PER2: variants seen among roughly 807,000 people sequenced by gnomAD.
PER2 encodes the protein period circadian protein homolog 2.
A neutral mutation model predicts 121.0 loss-of-function variants in PER2; 66 were observed. The ratio of observed to expected loss-of-function variants is 0.55; its 90% CI spans 0.45 to 0.67. The LOEUF is 0.67. Ranked by LOEUF, PER2 falls within the 30% of genes least tolerant of loss-of-function variation. The pLI, the probability that PER2 is intolerant of heterozygous loss-of-function variation, is 0.00. For synonymous variants in PER2, 684 were observed against 659.9 expected, an observed-to-expected ratio of 1.04 and a Z score of -0.56; for missense variants, 1,521 against 1,635.0, an observed-to-expected ratio of 0.93 and a Z score of 1.20.
intron 8 of PER2, among the ~76,000 whole-genome samples, chr2:238,266,113 C>T (rs1337884502): frequency 1.3e-5 from 2 of 151,860 alleles, no homozygotes; most frequent in Non-Finnish European, 2.9e-5. Context: ...CCGTGTTGGC[C>T]AGGATGGTCT....
rs1318151429 is a variant in PER2 at position 238,244,511 on chromosome 2, G to A, written c.*1864C>T. On this transcript the variant is annotated 3_prime_UTR_variant, in exon 23 of 23. Transcript: ENST00000254657. ...CGGTAACATAACTGTAACCTTAGAT[G>A]AACACCTATCCCTTCATGATCTGAC... The A allele has an allele frequency of 6.6e-6, 1 of 152,244 alleles. No individual in the cohort carries two copies. The highest frequency in any genetic ancestry group is 1.5e-5 in the Non-Finnish European group (1 of 68,050). 9.4% of individuals were successfully genotyped at this position (152,244 alleles called of 1,614,324 possible).
chr2:238,284,177 C>T (rs191124996), intron 1 of PER2, among the ~76,000 whole-genome samples: 39 of 152,272 alleles, frequency 2.6e-4, no homozygotes, highest in African/African-American at 9.4e-4. Flanking sequence ...GGCGCGGTGG[C>T]TCACACCTGT....
chr2:238,251,632 A>T lies in PER2; in HGVS notation c.3241T>A (p.Ser1081Thr). The change falls in exon 20 of 23, where the codon TCA (serine) becomes ACA (threonine). Residue 1081 changes from serine (S) to threonine (T), a missense_variant. Ser to Thr is a moderately conservative substitution (Grantham distance 58, BLOSUM62 1). Coordinates refer to ENST00000254657, the MANE Select transcript of PER2 (RefSeq NM_022817.3). ...SAASESLGSG[S>T]LGCDASPSGA... Reference sequence around the variant, plus strand: ...CTCGGGGAGGCGTCGCAGCCCAGTGAGCCGGAGCCCAGAGACTCCGAAGCA... The same window carrying T: ...CTCGGGGAGGCGTCGCAGCCCAGTGTGCCGGAGCCCAGAGACTCCGAAGCA... 2 of 1,614,180 alleles carry T rather than the reference A, an allele frequency of 1.2e-6. No homozygotes were observed. Among genetic ancestry groups the T allele is most frequent in the Non-Finnish European group, 8.5e-7 (1 of 1,180,016 alleles).
intron 3 of PER2, among the ~76,000 whole-genome samples, 197 bp downstream of exon 3, chr2:238,276,934 C>T (rs375355441): frequency 2.3e-4 from 35 of 152,198 alleles, no homozygotes; most frequent in Admixed American, 5.9e-4. Context: ...AGCGACATCC[C>T]GGGGGCTCTG....
chr2:238,261,756 T>A lies in PER2; in HGVS notation c.1389A>T (p.Thr463=). 1 of 1,568,424 alleles carries A rather than the reference T, an allele frequency of 6.4e-7. No homozygotes were observed. The highest frequency in any genetic ancestry group is 1.2e-5 in the South Asian group (1 of 85,370). ...GCAGCAGGAGCCGGTGGATCTGCTC[T>A]GTGAGCTCCTGAATGCTGGGGTGCA... is the stretch of plus-strand genomic sequence containing the variant. ...KALHPSIQEL[T]EQIHRLLLQP... Residue 463 remains threonine, a synonymous_variant, in exon 12 of 23, where the codon ACA becomes ACT. Transcript: ENST00000254657.
At chr2:238,265,799 T>C (rs76067450) in intron 8 of PER2, among the ~76,000 whole-genome samples, 7,124 of 152,228 alleles carry the variant, frequency 0.047, 348 homozygotes, top group African/African-American at 0.12. Flanking sequence ...AGCTTCTTTA[T>C]ATGCTAGTTT....
Position 238,246,395 on chromosome 2 carries a change from T to C in PER2, c.3748A>G (p.Arg1250Gly), listed in dbSNP as rs767546552. The C allele has an allele frequency of 3.7e-6, 6 of 1,610,916 alleles. No homozygotes were observed. The highest frequency in any genetic ancestry group is 4.2e-6 in the Non-Finnish European group (5 of 1,178,248). Residue 1250 changes from arginine (R) to glycine (G), a missense_variant, in exon 23 of 23, where the codon AGG (arginine) becomes GGG (glycine). Arg to Gly is a moderately radical substitution (Grantham distance 125). Transcript: ENST00000254657. ...AGGGGTTACGTCTGCTCTTCGATCC[T>C]GTGATTCAAGGGGGATCCATTTTCG... ...EDENGSPLNH[R>G]IEEQT
chr2:238,265,548 T>C lies in PER2; in HGVS notation c.1010A>G (p.His337Arg), dbSNP rs1396679276. 1.2e-6 allele frequency: 2 copies of C among 1,611,814 alleles called. No individual in the cohort carries two copies. The highest frequency in any genetic ancestry group is 4.5e-5 in the East Asian group (2 of 44,864). The stretch of plus-strand genomic sequence containing the variant: ...ATCCTGGAACAAACAATTTGGTGTA[T>C]GGGTGGTTGTAAAAATTCTCTTTTC... The part of the protein sequence containing the change: ...PPEKRIFTTT[H>R]TPNCLFQDVD... Residue 337 changes from histidine (H) to arginine (R), a missense_variant, in exon 9 of 23, where the codon CAT (histidine) becomes CGT (arginine). Transcript: ENST00000254657.
intron 6 of PER2, 53 bp downstream of exon 6, chr2:238,271,259 C>T: frequency 1.3e-6 from 2 of 1,528,208 alleles, no homozygotes; most frequent in South Asian, 1.1e-5. Context: ...GGCCCAGCTC[C>T]TGGCCCCTTT....
intron 17 of PER2, among the ~76,000 whole-genome samples, chr2:238,256,503 C>T (rs1047528551): frequency 5.3e-5 from 8 of 152,242 alleles, no homozygotes; most frequent in African/African-American, 1.9e-4. Context: ...AATCTGTTTA[C>T]CACCTGTACT....
At position 238,250,049 on chromosome 2, in the gene PER2, C is replaced by T. The variant is rs192524223; in HGVS notation, c.3467+502G>A. 1.0e-3 allele frequency among the ~76,000 whole-genome samples: 154 copies of T among 152,326 alleles called. 2 individuals are homozygous for T. Among genetic ancestry groups the T allele is most frequent in the Non-Finnish European group, 2.1e-4 (14 of 68,020 alleles). On this transcript the variant is annotated intron_variant, in intron 21 of 22. Transcript: ENST00000254657. Reference sequence around the variant, plus strand: ...AGCTTCCCATGCCAAGCGGGTGCTCCGCAGGGGAAGGGACCACATGCAGTT... The same window carrying T: ...AGCTTCCCATGCCAAGCGGGTGCTCTGCAGGGGAAGGGACCACATGCAGTT...
At chr2:238,249,357 A>C in intron 21 of PER2, 145 bp from the exon 22 acceptor site, 6 of 742,116 alleles carry the variant, frequency 8.1e-6, no homozygotes, top group Non-Finnish European at 1.3e-5. Flanking sequence ...AGGTAACTTA[A>C]TCTCCCTAGT....
chr2:238,267,143 T>C (rs1197227523), intron 8 of PER2, among the ~76,000 whole-genome samples: 1 of 151,918 alleles, frequency 6.6e-6, no homozygotes, highest in African/African-American at 2.4e-5. Context: ...GGTTCAGCAG[T>C]TGCAGAATGC....
At chr2:238,246,934 G>T (rs560611199) in intron 22 of PER2, among the ~76,000 whole-genome samples, 17 of 152,308 alleles carry the variant, frequency 1.1e-4, no homozygotes, top group African/African-American at 3.1e-4. Context: ...TCAGCCAGGA[G>T]GTGGCTGGCA....
At chr2:238,254,424 C>T (rs1372435999) in intron 18 of PER2, 1 of 153,076 alleles carries the variant, frequency 6.5e-6, no homozygotes. Flanking sequence ...TCTGGGACAT[C>T]TGTCAGCTGT....
At chr2:238,293,411 A>C (rs1235349078), upstream of PER2, among the ~76,000 whole-genome samples, 1 of 152,120 alleles carries the variant, frequency 6.6e-6, no homozygotes, top group Non-Finnish European at 1.5e-5. Context: ...GCCAAGAAAA[A>C]ATTTGCTATC....
chr2:238,297,070 T>C, the PER2 span, among the ~76,000 whole-genome samples: 8 of 151,026 alleles, frequency 5.3e-5, no homozygotes, highest in Admixed American at 1.3e-4. Flanking sequence ...CCAAAAGGGG[T>C]TCAGATCTCT....
In PER2 at chr2:238,262,286, G is replaced by A. The variant is rs540945814; in HGVS notation, c.1212C>T (p.Asn404=). The change falls in exon 11 of 23, where the codon AAC becomes AAT. Residue 404 remains asparagine (N), a synonymous_variant. Coordinates refer to ENST00000254657, the MANE Select transcript of PER2 (RefSeq NM_022817.3). ...DYSPIRFRAR[N]GEYITLDTSW... is the part of the protein sequence containing the mutation. ...TGGTGTCCAACGTGATGTACTCTCCGTTCCGGGCGCGAAACCGAATGGGAG... is the reference window on the plus strand; with the variant it reads ...TGGTGTCCAACGTGATGTACTCTCCATTCCGGGCGCGAAACCGAATGGGAG... 2.7e-5 allele frequency: 43 copies of A among 1,613,926 alleles called. 1 individual carries two copies. Among genetic ancestry groups the A allele is most frequent in the Admixed American group, 2.5e-4 (15 of 60,020 alleles).
upstream of PER2, among the ~76,000 whole-genome samples, chr2:238,292,179 A>C (rs1346436266): frequency 6.6e-6 from 1 of 152,242 alleles, no homozygotes. Flanking sequence ...AAAAAGAAGA[A>C]GGCATCTTTA....
Sources: allele counts gnomAD v4.1 joint callset (sites outside exome capture counted in the v4.1 genomes callset), GRCh38; gene constraint gnomAD v4.1.1; transcripts MANE v1.5; gene names NCBI Gene and HGNC (gene_info 2026-07-23, HGNC 2026-07-21).